Variants in CD82 observed in about 807,000 individuals in gnomAD.
The protein encoded by CD82 is CD82 molecule.
A neutral mutation model predicts 37.4 loss-of-function variants in CD82; 36 were observed. The ratio of observed to expected loss-of-function variants is 0.96; its 90% CI spans 0.74 to 1.27. The LOEUF (loss-of-function observed/expected upper bound fraction) is 1.27, where lower values mean the gene tolerates loss of function less well. Ranked by LOEUF, CD82 falls within the 50% of genes most tolerant of loss-of-function variation. CD82 has a pLI of 0.00. For synonymous variants in CD82, 158 were observed against 137.4 expected, an observed-to-expected ratio of 1.15 and a Z score of -1.05; for missense variants, 340 against 347.0, an observed-to-expected ratio of 0.98 and a Z score of 0.16.
chr11:44,590,022 A>G (rs1853117376), intron 2 of CD82, among the ~76,000 whole-genome samples: 1 of 151,676 alleles, frequency 6.6e-6, no homozygotes, highest in Non-Finnish European at 1.5e-5. Flanking sequence ...TTTAGTAGAG[A>G]CAGGGTTTCA....
intron 3 of CD82, among the ~76,000 whole-genome samples, chr11:44,596,198 C>T (rs894341924): frequency 3.3e-5 from 5 of 152,216 alleles, no homozygotes; most frequent in Non-Finnish European, 4.4e-5. Context: ...CCCAGCTTGG[C>T]GGTCAGGTCT....
chr11:44,580,803 G>A (rs77425883), intron 1 of CD82, among the ~76,000 whole-genome samples: 267 of 152,316 alleles, frequency 1.8e-3, no homozygotes, highest in Non-Finnish European at 2.6e-3. Flanking sequence ...GAGATAATTA[G>A]GGCTGCCATA....
intron 1 of CD82, among the ~76,000 whole-genome samples, chr11:44,575,544 T>C (rs915019184): frequency 6.6e-6 from 1 of 152,220 alleles, no homozygotes; most frequent in African/African-American, 2.4e-5. Context: ...TCTGGGGTAC[T>C]GCCTGAGAAT....
chr11:44,586,013 G>C (rs1853049197), intron 1 of CD82, among the ~76,000 whole-genome samples: 3 of 152,160 alleles, frequency 2.0e-5, no homozygotes, highest in African/African-American at 7.2e-5. Flanking sequence ...ATTCTCCCTG[G>C]CCAGGCGCTG....
At chr11:44,603,674 G>A (rs1481979212) in intron 4 of CD82, among the ~76,000 whole-genome samples, 1 of 152,224 alleles carries the variant, frequency 6.6e-6, no homozygotes, top group Non-Finnish European at 1.5e-5. Flanking sequence ...TGGGGGTACA[G>A]TGTACCCATG....
intron 4 of CD82, among the ~76,000 whole-genome samples, chr11:44,600,717 C>T (rs1010567018): frequency 5.9e-5 from 9 of 152,198 alleles, no homozygotes; most frequent in Non-Finnish European, 1.2e-4. Flanking sequence ...GTTCCAGGCA[C>T]AGTCACCAAT....
chr11:44,611,054 C>G (rs937493783), intron 6 of CD82, among the ~76,000 whole-genome samples: 17 of 152,152 alleles, frequency 1.1e-4, no homozygotes, highest in Non-Finnish European at 2.1e-4. Flanking sequence ...AGACTGAACT[C>G]GAACTCCTGA....
intron 1 of CD82, among the ~76,000 whole-genome samples, chr11:44,582,198 G>GA (rs397738342): frequency 6.6e-6 from 1 of 151,764 alleles, no homozygotes. Flanking sequence ...GGGGTTTGGG[G>GA]CTGAATGAGA....
chr11:44,618,947 G>A (rs1191589310), intron 9 of CD82, 102 bp from the exon 10 acceptor site: 2 of 1,090,906 alleles, frequency 1.8e-6, no homozygotes, highest in Admixed American at 1.7e-5. Context: ...TGAGGCTCAA[G>A]TTGAGGATCC....
intron 1 of CD82, among the ~76,000 whole-genome samples, chr11:44,567,254 A>G (rs1372198122): frequency 2.0e-5 from 3 of 152,188 alleles, no homozygotes; most frequent in Non-Finnish European, 4.4e-5. Context: ...TGGACACTGA[A>G]GGACGCTGAA....
Position 44,618,696 on chromosome 11 carries a change from C to T in CD82, c.699C>T (p.Gly233=), listed in dbSNP as rs79095986. The stretch of plus-strand genomic sequence containing the variant: ...AGGAGAACCTGGGCATCATCCTCGG[C>T]GTGGGCGTGGGTGTGGCCATCATCG... ...WLQENLGIIL[G]VGVGVAIIEL... Residue 233 remains glycine, a synonymous_variant, in exon 9 of 10, where the codon GGC becomes GGT. Coordinates refer to ENST00000227155, the MANE Select transcript of CD82 (RefSeq NM_002231.4). 3,545 of 1,613,228 alleles carry T rather than the reference C, an allele frequency of 2.2e-3. 73 individuals are homozygous for T. The African/African-American group carries it at 0.04, about 18-fold the overall frequency.
At chr11:44,581,704 C>G (rs372965731) in intron 1 of CD82, among the ~76,000 whole-genome samples, 1 of 152,162 alleles carries the variant, frequency 6.6e-6, no homozygotes, top group Admixed American at 6.5e-5. Flanking sequence ...AGAAACTGAG[C>G]GCAGAAGGGC....
intron 2 of CD82, among the ~76,000 whole-genome samples, chr11:44,593,259 G>T (rs78469484): frequency 3.0e-4 from 46 of 152,348 alleles, no homozygotes; most frequent in African/African-American, 1.1e-3. Context: ...AGTGAAGCCC[G>T]GGCCTCCGGC....
In CD82 at chr11:44,578,285, G is replaced by A. The variant is rs575190314; in HGVS notation, c.-102-9190G>A. Among the ~76,000 whole-genome samples the A allele has an allele frequency of 7.2e-5, 11 of 152,312 alleles. No homozygotes were observed. In the East Asian group the frequency reaches 1.7e-3, roughly 24 times the overall value. The stretch of plus-strand genomic sequence containing the variant: ...GCTGGGTCGCCCAGGGAAGGAGGCA[G>A]CCTCTCTCTGAGCTCCTATATTCCT... On this transcript the variant is annotated intron_variant, in intron 1 of 9. Coordinates refer to ENST00000227155, the MANE Select transcript of CD82 (RefSeq NM_002231.4).
intron 6 of CD82, among the ~76,000 whole-genome samples, chr11:44,614,320 G>T (rs1160837391): frequency 1.3e-5 from 2 of 152,250 alleles, no homozygotes; most frequent in Non-Finnish European, 2.9e-5. Context: ...AGGAAACTGA[G>T]CTGGGCTTTC....
chr11:44,616,410 T>C (rs922658561), intron 7 of CD82, among the ~76,000 whole-genome samples: 1 of 152,120 alleles, frequency 6.6e-6, no homozygotes, highest in Non-Finnish European at 1.5e-5. Context: ...TTTAGCAAAG[T>C]CTGGATGTCA....
intron 7 of CD82, among the ~76,000 whole-genome samples, chr11:44,617,635 C>G (rs74819254): frequency 0.16 from 24,741 of 151,288 alleles, 2,299 homozygotes; most frequent in African/African-American, 0.24. Context: ...TCCTTTTCAC[C>G]AGGAAGCTCA....
chr11:44,604,752 A>T (rs1171779480), intron 4 of CD82: 1 of 407,030 alleles, frequency 2.5e-6, no homozygotes, highest in East Asian at 5.6e-5. Context: ...GGGAGAGCAG[A>T]CAATGAGCAA....
At chr11:44,600,001 C>T (rs917463541) in intron 3 of CD82, among the ~76,000 whole-genome samples, 157 bp from the exon 4 acceptor site, 2 of 152,090 alleles carry the variant, frequency 1.3e-5, no homozygotes, top group Admixed American at 6.5e-5. Context: ...GATGTGGGAC[C>T]GGAGGCCATC....
Sources: allele counts gnomAD v4.1 joint callset (sites outside exome capture counted in the v4.1 genomes callset), GRCh38; gene constraint gnomAD v4.1.1; transcripts MANE v1.5; gene names NCBI Gene and HGNC (gene_info 2026-07-23, HGNC 2026-07-21).